CCNY: variants seen among roughly 807,000 people sequenced by gnomAD.
The protein encoded by CCNY is cyclin-Y.
CCNY carries 19 observed loss-of-function variants against 42.8 expected under a neutral mutation model. That is an observed-to-expected ratio of 0.44 (90% confidence interval 0.31 to 0.65). The LOEUF (loss-of-function observed/expected upper bound fraction) is 0.65. Ranked by LOEUF, CCNY falls within the 30% of genes least tolerant of loss-of-function variation. The probability of loss-of-function intolerance (pLI) is 0.07; values close to 1 mark genes in which losing one functional copy is unlikely to be tolerated. For synonymous variants in CCNY, 165 were observed against 162.7 expected (o/e 1.01, Z -0.11); for missense variants, 370 against 437.3 (o/e 0.85, Z 1.37).
intron 3 of CCNY, among the ~76,000 whole-genome samples, chr10:35,313,230 A>G (rs1835710794): frequency 6.6e-6 from 1 of 152,204 alleles, no homozygotes; most frequent in South Asian, 2.1e-4. Flanking sequence ...GTTTCATGAT[A>G]ACTGTCTTTC....
At chr10:35,548,445 C>T (rs1228356858) in intron 7 of CCNY, among the ~76,000 whole-genome samples, 2 of 151,756 alleles carry the variant, frequency 1.3e-5, no homozygotes, top group South Asian at 4.1e-4. Context: ...ATCACAGGCG[C>T]GTACACCATG....
intron 1 of CCNY, among the ~76,000 whole-genome samples, chr10:35,451,452 A>C (rs543358922): frequency 6.6e-6 from 1 of 152,178 alleles, no homozygotes; most frequent in Non-Finnish European, 1.5e-5. Flanking sequence ...AAATGACTGG[A>C]AAGTTGGTGA....
At chr10:35,312,098 C>T (rs1304750975) in intron 3 of CCNY, among the ~76,000 whole-genome samples, 1 of 152,104 alleles carries the variant, frequency 6.6e-6, no homozygotes, top group East Asian at 1.9e-4. Flanking sequence ...TTCATATTGG[C>T]TGGTCGCGGT....
chr10:35,287,998 T>C (rs1349533452), intron 3 of CCNY, among the ~76,000 whole-genome samples: 1 of 152,174 alleles, frequency 6.6e-6, no homozygotes, highest in African/African-American at 2.4e-5. Context: ...TCCTAGGCCA[T>C]ATGATAAATA....
intron 3 of CCNY, among the ~76,000 whole-genome samples, chr10:35,282,114 C>CTTTTTTT (rs3066487): frequency 3.4e-5 from 3 of 87,884 alleles, no homozygotes; most frequent in African/African-American, 1.1e-4. Flanking sequence ...CATCTACACC[C>CTTTTTTT]TTTTTTTTTT....
chr10:35,380,753 C>T (rs1837165481), intron 1 of CCNY, among the ~76,000 whole-genome samples: 2 of 152,190 alleles, frequency 1.3e-5, no homozygotes, highest in Admixed American at 1.3e-4. Context: ...AGTCCGCAGC[C>T]AGCCGCCTGT....
intron 3 of CCNY, among the ~76,000 whole-genome samples, chr10:35,254,864 G>GAA (rs142297683): frequency 8.0e-5 from 11 of 138,328 alleles, no homozygotes; most frequent in Admixed American, 3.7e-4. Flanking sequence ...AAGAAAAAAA[G>GAA]AAAAAAAAAG....
At chr10:35,303,777 CAAAAAAAAAAA>C (rs755443366) in intron 3 of CCNY, among the ~76,000 whole-genome samples, 2 of 48,524 alleles carry the variant, frequency 4.1e-5, no homozygotes, top group African/African-American at 6.4e-5. Flanking sequence ...AACTCCGTCT[CAAAAAAAAAAA>C]AAAAAAAAAA....
At chr10:35,515,333 G>T (rs1307209558) in intron 3 of CCNY, among the ~76,000 whole-genome samples, 1 of 152,202 alleles carries the variant, frequency 6.6e-6, no homozygotes, top group Non-Finnish European at 1.5e-5. Flanking sequence ...CCCCAAAGAA[G>T]TAACTAGTAT....
At chr10:35,294,835 T>G (rs1835451891) in intron 3 of CCNY, among the ~76,000 whole-genome samples, 1 of 152,214 alleles carries the variant, frequency 6.6e-6, no homozygotes, top group South Asian at 2.1e-4. Flanking sequence ...ACTATTTAAG[T>G]GTTTGGTAGA....
chr10:35,329,971 T>C (rs1356188683), intron 3 of CCNY, among the ~76,000 whole-genome samples: 1 of 152,182 alleles, frequency 6.6e-6, no homozygotes, highest in Non-Finnish European at 1.5e-5. Context: ...GCGTTTTGAG[T>C]TCCTTGGAGG....
chr10:35,276,343 A>G (rs1322006460), intron 3 of CCNY, among the ~76,000 whole-genome samples: 3 of 152,080 alleles, frequency 2.0e-5, no homozygotes, highest in African/African-American at 7.2e-5. Flanking sequence ...GAAGGTTAGA[A>G]TCCTCATTGC....
chr10:35,399,384 C>G (rs1837595198), intron 1 of CCNY, among the ~76,000 whole-genome samples: 1 of 151,998 alleles, frequency 6.6e-6, no homozygotes, highest in African/African-American at 2.4e-5. Context: ...CTCCACTTTT[C>G]TGGAAGTCTT....
In CCNY at chr10:35,572,410, G is replaced by T. The variant is rs1261280366; in HGVS notation, c.*3240G>T. ...CAATTCTGCCTCAGCCTCCCGAGTAGCTAGGATCACAGGCACCCACCACCA... is the reference window on the plus strand; with the variant it reads ...CAATTCTGCCTCAGCCTCCCGAGTATCTAGGATCACAGGCACCCACCACCA... On this transcript the variant is annotated 3_prime_UTR_variant, in exon 10 of 10. Coordinates refer to ENST00000374704, the MANE Select transcript of CCNY (RefSeq NM_145012.6). 1 of 151,920 alleles carries T rather than the reference G, an allele frequency of 6.6e-6. No individual in the cohort carries two copies. Among genetic ancestry groups the T allele is most frequent in the Non-Finnish European group, 1.5e-5 (1 of 68,020 alleles). The allele number at this position is 151,920 out of a possible 1,614,324, so 9.4% of individuals were successfully genotyped here.
chr10:35,345,985 C>T (rs188826774), intron 1 of CCNY, among the ~76,000 whole-genome samples: 5 of 152,262 alleles, frequency 3.3e-5, no homozygotes, highest in East Asian at 3.9e-4. Flanking sequence ...ACTGTGTCCC[C>T]GGAACCACAT....
intron 1 of CCNY, among the ~76,000 whole-genome samples, chr10:35,383,050 G>A (rs1275656717): frequency 3.9e-5 from 6 of 152,086 alleles, no homozygotes; most frequent in East Asian, 3.9e-4. Flanking sequence ...AACATGGATC[G>A]AAAACGCAAT....
chr10:35,429,658 C>T (rs1294563161), intron 1 of CCNY, among the ~76,000 whole-genome samples: 1 of 152,146 alleles, frequency 6.6e-6, no homozygotes, highest in Non-Finnish European at 1.5e-5. Flanking sequence ...GTCCCTAGTT[C>T]AGTTGCTGGT....
At chr10:35,496,835 G>T (rs1313805210) in intron 2 of CCNY, among the ~76,000 whole-genome samples, 1 of 152,160 alleles carries the variant, frequency 6.6e-6, no homozygotes, top group Non-Finnish European at 1.5e-5. Flanking sequence ...GTGTGACATT[G>T]TGGCAAGAGA....
At chr10:35,567,539 G>C (rs1037858642) in intron 9 of CCNY, among the ~76,000 whole-genome samples, 6 of 152,154 alleles carry the variant, frequency 3.9e-5, no homozygotes, top group Non-Finnish European at 2.9e-5. Context: ...GCACTGTCAT[G>C]TCCCCAGCTT....
Sources: allele counts gnomAD v4.1 joint callset (sites outside exome capture counted in the v4.1 genomes callset), GRCh38; gene constraint gnomAD v4.1.1; transcripts MANE v1.5; gene names NCBI Gene and HGNC (gene_info 2026-07-23, HGNC 2026-07-21).